Variants in ADA2 observed in about 807,000 individuals in gnomAD.
ADA2 encodes adenosine deaminase CECR1.
A neutral mutation model predicts 44.2 loss-of-function variants in ADA2; 29 were observed. The observed-to-expected ratio is 0.66, with a 90% CI of 0.49 to 0.89. The LOEUF is 0.89. Among genes scored for constraint, ADA2 ranks in the 40% least tolerant of loss-of-function variants. The pLI is 0.00. For missense variants in ADA2, 637 were observed against 644.8 expected (o/e 0.99, Z 0.13); for synonymous variants, 215 against 234.9 (o/e 0.92, Z 0.77).
chr22:17,186,267 A>G (rs2062034369), intron 7 of ADA2, among the ~76,000 whole-genome samples: 1 of 152,228 alleles, frequency 6.6e-6, no homozygotes, highest in African/African-American at 2.4e-5. Context: ...GAGCGTCAGA[A>G]AGTGTTCCAA....
intron 2 of ADA2, among the ~76,000 whole-genome samples, chr22:17,209,118 C>G (rs1053318447): frequency 2.0e-5 from 3 of 152,054 alleles, no homozygotes; most frequent in African/African-American, 7.2e-5. Context: ...AAGGGAATAG[C>G]AAAGTCTCAG....
intron 1 of ADA2, chr22:17,213,388 C>T (rs1248621389): frequency 1.2e-5 from 2 of 166,142 alleles, no homozygotes; most frequent in African/African-American, 2.4e-5. Context: ...TACCTGTACT[C>T]GGATGCTTAT....
rs2062117155 is a variant in ADA2, at chr22:17,191,702, T to C, written c.862A>G (p.Ile288Val). ...ETHPEFIGIK[I>V]IYSDHRSKDV... ...TCTCACCTGTGATCCGAATAAATGA[T>C]TTTGATTCCAATAAACTCAGGGTGA... The change falls in exon 5 of 10, where the codon ATC (isoleucine) becomes GTC (valine). Residue 288 changes from isoleucine to valine, a missense_variant. Transcript: ENST00000399837. The C allele has an allele frequency of 1.2e-6, 2 of 1,613,942 alleles. No homozygotes were observed. Among genetic ancestry groups the C allele is most frequent in the Non-Finnish European group, 1.7e-6 (2 of 1,180,002 alleles).
intron 3 of ADA2, among the ~76,000 whole-genome samples, chr22:17,204,092 T>A (rs906128273): frequency 6.6e-6 from 1 of 151,914 alleles, no homozygotes; most frequent in African/African-American, 2.4e-5. Flanking sequence ...CCACTGTACT[T>A]TCTAGACCAA....
upstream of ADA2, among the ~76,000 whole-genome samples, chr22:17,219,758 T>C (rs1601474338): frequency 7.5e-6 from 1 of 133,332 alleles, no homozygotes. Context: ...CACTGCAGCC[T>C]CCGCCTCCCG....
chr22:17,190,794 G>T (rs761958886), intron 5 of ADA2, among the ~76,000 whole-genome samples: 2 of 152,226 alleles, frequency 1.3e-5, no homozygotes, highest in Non-Finnish European at 2.9e-5. Context: ...TGGCACCAGG[G>T]AGCCTCTGAG....
intron 1 of ADA2, among the ~76,000 whole-genome samples, chr22:17,211,947 T>A (rs903622247): frequency 2.0e-5 from 3 of 151,894 alleles, no homozygotes; most frequent in African/African-American, 2.4e-5. Flanking sequence ...GAAAAAAAAA[T>A]TAATTAATTA....
At chr22:17,187,238 T>G (rs535033342) in intron 7 of ADA2, among the ~76,000 whole-genome samples, 1 of 152,190 alleles carries the variant, frequency 6.6e-6, no homozygotes, top group South Asian at 2.1e-4. Context: ...CAGACTGGTC[T>G]CAAACTCCTG....
At chr22:17,210,683 C>T (rs1034997597) in intron 1 of ADA2, among the ~76,000 whole-genome samples, 59 of 151,838 alleles carry the variant, frequency 3.9e-4, no homozygotes, top group African/African-American at 1.3e-3. Context: ...CTACAACCTC[C>T]GCCTCCAGGG....
At chr22:17,189,734 A>G (rs1410118615) in intron 6 of ADA2, 2 of 528,826 alleles carry the variant, frequency 3.8e-6, no homozygotes, top group Admixed American at 6.7e-5. Context: ...TCCCTTCTCC[A>G]GTGACAGCCG....
intron 7 of ADA2, among the ~76,000 whole-genome samples, chr22:17,187,500 G>A (rs1003467498): frequency 4.1e-4 from 62 of 151,746 alleles, no homozygotes; most frequent in African/African-American, 1.4e-3. Context: ...ATGTTGCCCT[G>A]GCTGGCCTCA....
chr22:17,209,312 C>T, intron 2 of ADA2, 44 bp downstream of exon 2: 1 of 1,532,084 alleles, frequency 6.5e-7, no homozygotes, highest in East Asian at 2.2e-5. Context: ...AGATGAGTCC[C>T]TCTACCTTCC....
intron 7 of ADA2, 82 bp downstream of exon 7, chr22:17,188,257 C>G (rs1309384410): frequency 2.0e-6 from 2 of 993,622 alleles, no homozygotes; most frequent in Admixed American, 3.7e-5. Flanking sequence ...CCTGTAGGCT[C>G]TAACCCTGAG....
rs1311279419 is a variant in ADA2 at position 17,204,183 on chromosome 22, G to A, written c.543-410C>T. ...CCAAGCTCTTTTTGGGGAATGTTATGGACTAACTTGTGTCCCCAAACCCCC... is the reference window on the plus strand; with the variant it reads ...CCAAGCTCTTTTTGGGGAATGTTATAGACTAACTTGTGTCCCCAAACCCCC... On this transcript the variant is annotated intron_variant, in intron 3 of 9. Transcript: ENST00000399837. 2.6e-5 allele frequency among the ~76,000 whole-genome samples: 4 copies of A among 152,056 alleles called. No homozygotes were observed. The East Asian group carries it at 7.7e-4, about 29-fold the overall frequency.
In ADA2 at chr22:17,203,815, A is replaced by G. The variant is rs746672241; in HGVS notation, c.543-42T>C. 1.3e-5 allele frequency: 19 copies of G among 1,431,452 alleles called. No individual in the cohort carries two copies. In the Admixed American group the frequency reaches 3.3e-4, roughly 25 times the overall value. The allele number at this position is 1,431,452 out of a possible 1,614,324, so 88.7% of individuals were successfully genotyped here. A position where few individuals can be genotyped will look rare whatever the true frequency, so the allele number is the denominator to read the frequency against. On this transcript the variant is annotated intron_variant, in intron 3 of 9. Coordinates refer to ENST00000399837, the MANE Select transcript of ADA2 (RefSeq NM_001282225.2). The stretch of plus-strand genomic sequence containing the variant: ...GTGGGGAGTGGCAGAGGCATGATCC[A>G]GGACACTGCCCCCGGGCGCCCATAG...
intron 2 of ADA2, among the ~76,000 whole-genome samples, chr22:17,208,330 A>G (rs1353035021): frequency 6.6e-6 from 1 of 151,074 alleles, no homozygotes; most frequent in Non-Finnish European, 1.5e-5. Context: ...AGGCTGAGGC[A>G]GGAGAATTGC....
intron 4 of ADA2, among the ~76,000 whole-genome samples, chr22:17,201,639 C>A (rs368959576): frequency 6.6e-6 from 1 of 152,128 alleles, no homozygotes; most frequent in Non-Finnish European, 1.5e-5. Context: ...AAGGATCCTG[C>A]CCACTCCCAC....
chr22:17,187,764 T>C (rs2062053439), intron 7 of ADA2, among the ~76,000 whole-genome samples: 1 of 151,584 alleles, frequency 6.6e-6, no homozygotes, highest in Admixed American at 6.6e-5. Flanking sequence ...AGCCTTGGGC[T>C]CTTCATCTAT....
At position 17,209,228 on chromosome 22, in the gene ADA2, G is replaced by A. The variant is rs73153406; in HGVS notation, c.322+128C>T. On this transcript the variant is annotated intron_variant, in intron 2 of 9. Coordinates refer to ENST00000399837, the MANE Select transcript of ADA2 (RefSeq NM_001282225.2). ...TCCTAGTCTACCCATAAGGACAGAG[G>A]AGCAGAACAGCTGAGTGAGGCTTTC... is the stretch of plus-strand genomic sequence containing the variant. 1,915 of 789,778 alleles carry A rather than the reference G, an allele frequency of 2.4e-3. 6 individuals are homozygous for A. The highest frequency in any genetic ancestry group is 3.4e-3 in the Non-Finnish European group (1,648 of 489,132). 48.9% of individuals were successfully genotyped at this position (789,778 alleles called of 1,614,324 possible). A position where few individuals can be genotyped will look rare whatever the true frequency, so the allele number is the denominator to read the frequency against.
Sources: gnomAD v4.1 joint callset for allele counts (sites outside exome capture counted in the v4.1 genomes callset) on GRCh38, gnomAD v4.1.1 for gene constraint, MANE v1.5 for transcripts, NCBI Gene and HGNC (gene_info 2026-07-23, HGNC 2026-07-21) for gene names.